Variants in TBCK observed in about 807,000 individuals in gnomAD.
TBCK encodes the protein TBC domain-containing protein kinase-like protein.
Under a neutral mutation model 113.4 loss-of-function variants are expected in TBCK, and 99 were observed. The ratio of observed to expected loss-of-function variants is 0.87; its 90% CI spans 0.74 to 1.03. TBCK has a LOEUF of 1.03. TBCK is among the 50% of genes least tolerant of loss of function. The pLI, the probability that TBCK is intolerant of heterozygous loss-of-function variation, is 0.00. For synonymous variants in TBCK, 369 were observed against 370.8 expected (o/e 1.00, Z 0.05); for missense variants, 1,045 against 1,061.3 (o/e 0.98, Z 0.21).
At chr4:106,117,666 T>C (rs1743696386) in intron 23 of TBCK, among the ~76,000 whole-genome samples, 1 of 152,196 alleles carries the variant, frequency 6.6e-6, no homozygotes, top group Non-Finnish European at 1.5e-5. Context: ...AACATAAATT[T>C]ATTGAGCACT....
intron 19 of TBCK, among the ~76,000 whole-genome samples, chr4:106,226,540 T>C (rs2149971930): frequency 6.6e-6 from 1 of 152,334 alleles, no homozygotes; most frequent in East Asian, 1.9e-4. Context: ...ATTGGGCTTT[T>C]ATATTTGGAA....
intron 17 of TBCK, 85 bp downstream of exon 17, chr4:106,232,853 G>T: frequency 7.5e-7 from 1 of 1,331,090 alleles, no homozygotes; most frequent in Non-Finnish European, 1.0e-6. Context: ...AGACAAGGAT[G>T]TTTAGATATT....
Position 106,171,128 on chromosome 4 carries a change from A to G in TBCK, c.2202T>C (p.Ser734=), listed in dbSNP as rs1366456777. The change falls in exon 23 of 26, where the codon TCT becomes TCC. Residue 734 remains serine (S), a synonymous_variant. Coordinates refer to ENST00000394708, the MANE Select transcript of TBCK (RefSeq NM_001163435.3). ...TCTTTGGAGGATCTGGACACTCAGC[A>G]GAGAAATAAGGTGCCGAACTTCTGC... ...SGGRSSAPYF[S]AECPDPPKTD... is the part of the protein sequence containing the mutation. The G allele has an allele frequency of 1.9e-6, 3 of 1,611,726 alleles. No individual in the cohort carries two copies. In the African/African-American group the frequency reaches 4.0e-5, roughly 22 times the overall value.
At chr4:106,304,392 T>C (rs1408689251) in intron 2 of TBCK, among the ~76,000 whole-genome samples, 1 of 152,144 alleles carries the variant, frequency 6.6e-6, no homozygotes, top group East Asian at 1.9e-4. Context: ...TCATACCAAA[T>C]AAATTTCTAT....
chr4:106,236,293 T>C, intron 14 of TBCK, 97 bp downstream of exon 14: 1 of 887,550 alleles, frequency 1.1e-6, no homozygotes, highest in Non-Finnish European at 1.5e-6. Context: ...TAAAAATTAA[T>C]CTTCTTATTA....
chr4:106,120,442 C>G (rs1219853032), intron 23 of TBCK, among the ~76,000 whole-genome samples: 1 of 152,214 alleles, frequency 6.6e-6, no homozygotes, highest in Admixed American at 6.5e-5. Context: ...AGCTGGGAAG[C>G]TTGAACTGGG....
intron 12 of TBCK, among the ~76,000 whole-genome samples, chr4:106,241,865 A>G (rs1346066476): frequency 6.6e-6 from 1 of 151,960 alleles, no homozygotes; most frequent in Non-Finnish European, 1.5e-5. Context: ...ATCAAAATAT[A>G]TTTGACTATA....
At chr4:106,248,786 G>T in intron 8 of TBCK, 135 bp downstream of exon 8, 2 of 655,594 alleles carry the variant, frequency 3.1e-6, no homozygotes, top group Non-Finnish European at 5.1e-6. Flanking sequence ...ACGACCAAAC[G>T]TACTGGTGCC....
At chr4:106,171,946 T>C (rs1346641549) in intron 22 of TBCK, among the ~76,000 whole-genome samples, 2 of 152,066 alleles carry the variant, frequency 1.3e-5, no homozygotes, top group Non-Finnish European at 2.9e-5. Context: ...TTCTCGTGCC[T>C]CAGCCTTCCT....
intron 3 of TBCK, among the ~76,000 whole-genome samples, chr4:106,266,226 A>AG (rs1178279173): frequency 1.3e-5 from 2 of 151,796 alleles, no homozygotes; most frequent in Non-Finnish European, 3.0e-5. Flanking sequence ...CCTTAAAAAA[A>AG]AAGAGAAACA....
chr4:106,260,261 G>A (rs1255621108), intron 5 of TBCK, among the ~76,000 whole-genome samples, 176 bp downstream of exon 5: 1 of 151,752 alleles, frequency 6.6e-6, no homozygotes, highest in Middle Eastern at 3.2e-3. Flanking sequence ...CGAGGATGCT[G>A]GGAAAAACTC....
intron 5 of TBCK, chr4:106,255,119 C>A: frequency 1.4e-5 from 3 of 220,878 alleles, no homozygotes; most frequent in South Asian, 4.7e-5. Context: ...CAATACTAAC[C>A]CTAACAATCT....
chr4:106,067,247 T>C (rs1736749780), intron 25 of TBCK, among the ~76,000 whole-genome samples: 1 of 152,176 alleles, frequency 6.6e-6, no homozygotes, highest in Non-Finnish European at 1.5e-5. Context: ...GATTATCTTT[T>C]CCATGTGCTT....
intron 2 of TBCK, among the ~76,000 whole-genome samples, chr4:106,307,986 C>T (rs1767717054): frequency 6.6e-6 from 1 of 151,992 alleles, no homozygotes; most frequent in Non-Finnish European, 1.5e-5. Context: ...TACTGACTCC[C>T]TTTTCATTTG....
chr4:106,298,619 C>CAA (rs138282012), intron 2 of TBCK, among the ~76,000 whole-genome samples: 1 of 151,048 alleles, frequency 6.6e-6, no homozygotes. Context: ...AAAACAACAA[C>CAA]AAAAAAAAGA....
intron 22 of TBCK, among the ~76,000 whole-genome samples, chr4:106,184,335 A>G (rs1008646067): frequency 3.9e-5 from 6 of 152,066 alleles, no homozygotes; most frequent in Admixed American, 3.9e-4. Context: ...TTCTATAGAG[A>G]AATTCTAAAA....
At chr4:106,283,714 T>C (rs1764846416) in intron 3 of TBCK, among the ~76,000 whole-genome samples, 1 of 151,934 alleles carries the variant, frequency 6.6e-6, no homozygotes, top group Non-Finnish European at 1.5e-5. Flanking sequence ...GAGAATTAGA[T>C]TGAAGTCAGA....
At chr4:106,103,366 G>T (rs370505952) in intron 24 of TBCK, among the ~76,000 whole-genome samples, 1 of 152,160 alleles carries the variant, frequency 6.6e-6, no homozygotes, top group Admixed American at 6.5e-5. Flanking sequence ...TATAACATCT[G>T]AATGAATATA....
At chr4:106,189,500 T>C (rs563366290) in intron 22 of TBCK, among the ~76,000 whole-genome samples, 9 of 152,168 alleles carry the variant, frequency 5.9e-5, no homozygotes, top group South Asian at 2.1e-4. Flanking sequence ...AACTGTGTAC[T>C]ACAGTTGCTC....
Sources: allele counts gnomAD v4.1 joint callset (sites outside exome capture counted in the v4.1 genomes callset), GRCh38; gene constraint gnomAD v4.1.1; transcripts MANE v1.5; gene names NCBI Gene and HGNC (gene_info 2026-07-23, HGNC 2026-07-21).